GALNTL6: variants seen among roughly 807,000 people sequenced by gnomAD.
The protein encoded by GALNTL6 is polypeptide N-acetylgalactosaminyltransferase like 6.
Under a neutral mutation model 73.7 loss-of-function variants are expected in GALNTL6, and 46 were observed. That is an observed-to-expected ratio of 0.62 (90% CI 0.49 to 0.80). GALNTL6 has a LOEUF of 0.80. Among genes scored for constraint, GALNTL6 ranks in the 30% least tolerant of loss-of-function variants. GALNTL6 has a pLI of 0.00. For synonymous variants in GALNTL6, 259 were observed against 263.7 expected (o/e 0.98, Z 0.17); for missense variants, 604 against 755.0 (o/e 0.80, Z 2.34).
intron 5 of GALNTL6, among the ~76,000 whole-genome samples, chr4:172,562,925 G>A (rs1198140081): frequency 6.6e-6 from 1 of 152,144 alleles, no homozygotes; most frequent in African/African-American, 2.4e-5. Context: ...CTGTTCATGA[G>A]GCTATAGTTA....
At chr4:172,127,941 TA>T in intron 2 of GALNTL6, among the ~76,000 whole-genome samples, 1 of 151,644 alleles carries the variant, frequency 6.6e-6, no homozygotes, top group South Asian at 2.1e-4. Flanking sequence ...CGTCTCTACT[TA>T]AAAAATACAA....
chr4:172,039,569 C>G (rs1388789007), intron 2 of GALNTL6, among the ~76,000 whole-genome samples: 2 of 152,030 alleles, frequency 1.3e-5, no homozygotes, highest in Non-Finnish European at 2.9e-5. Context: ...GGAGAGAAAG[C>G]AGGAATCTAC....
intron 2 of GALNTL6, among the ~76,000 whole-genome samples, chr4:171,990,337 T>A (rs1444560284): frequency 1.3e-5 from 2 of 152,194 alleles, no homozygotes; most frequent in African/African-American, 2.4e-5. Flanking sequence ...TATTAAATAA[T>A]CCTCATTTTA....
intron 5 of GALNTL6, among the ~76,000 whole-genome samples, chr4:172,603,454 C>T (rs973746575): frequency 6.6e-6 from 1 of 152,138 alleles, no homozygotes; most frequent in Non-Finnish European, 1.5e-5. Context: ...AGTAAATAGT[C>T]ATTGTTAAAA....
chr4:172,287,123 C>T (rs992724251), intron 3 of GALNTL6, among the ~76,000 whole-genome samples: 1 of 152,206 alleles, frequency 6.6e-6, no homozygotes, highest in African/African-American at 2.4e-5. Context: ...TCCATCCTAA[C>T]CCAGACCATT....
At chr4:172,917,177 G>A (rs1489019919) in intron 8 of GALNTL6, among the ~76,000 whole-genome samples, 2 of 152,170 alleles carry the variant, frequency 1.3e-5, no homozygotes, top group Admixed American at 1.3e-4. Context: ...AATGGTGCTG[G>A]GAAAACTGGC....
At chr4:172,734,994 T>C (rs565055435) in intron 5 of GALNTL6, among the ~76,000 whole-genome samples, 1 of 152,156 alleles carries the variant, frequency 6.6e-6, no homozygotes, top group Non-Finnish European at 1.5e-5. Context: ...TGCTGCAGGG[T>C]TGTAGCCCTT....
At chr4:172,206,133 G>A (rs1279937720) in intron 2 of GALNTL6, among the ~76,000 whole-genome samples, 1 of 152,030 alleles carries the variant, frequency 6.6e-6, no homozygotes, top group African/African-American at 2.4e-5. Context: ...AATTTCTAGT[G>A]AGAAAACATT....
intron 5 of GALNTL6, among the ~76,000 whole-genome samples, chr4:172,483,274 A>C (rs995228262): frequency 6.6e-6 from 1 of 152,198 alleles, no homozygotes; most frequent in Non-Finnish European, 1.5e-5. Context: ...CACAAGCAAG[A>C]TAATACCTGA....
At chr4:172,585,367 G>T (rs55782630) in intron 5 of GALNTL6, among the ~76,000 whole-genome samples, 21 of 152,024 alleles carry the variant, frequency 1.4e-4, no homozygotes, top group African/African-American at 4.8e-4. Flanking sequence ...TTTATGCCCC[G>T]CATGCATTAG....
At chr4:172,966,611 T>C (rs1579720266) in intron 10 of GALNTL6, among the ~76,000 whole-genome samples, 1 of 152,194 alleles carries the variant, frequency 6.6e-6, no homozygotes, top group South Asian at 2.1e-4. Flanking sequence ...GCCAGACTGA[T>C]CTTGAACTGC....
intron 2 of GALNTL6, among the ~76,000 whole-genome samples, chr4:172,038,710 C>G (rs1219472712): frequency 6.6e-6 from 1 of 152,146 alleles, no homozygotes; most frequent in African/African-American, 2.4e-5. Flanking sequence ...GCAAAGCCTG[C>G]AGTTATGTTG....
Position 172,158,372 on chromosome 4 carries a change from G to A in GALNTL6, c.139-71284G>A, listed in dbSNP as rs528602243. On this transcript the variant is annotated intron_variant, in intron 2 of 12. Coordinates refer to ENST00000506823, the MANE Select transcript of GALNTL6 (RefSeq NM_001034845.3). ...TCCCTTTGTGCTGAACTACTTTCCCGCAGTACATAATTTTCCCCTGGTTAC... is the reference window on the plus strand; with the variant it reads ...TCCCTTTGTGCTGAACTACTTTCCCACAGTACATAATTTTCCCCTGGTTAC... Among the ~76,000 whole-genome samples the A allele has an allele frequency of 3.0e-4, 46 of 151,484 alleles. 1 individual carries two copies. Among genetic ancestry groups the A allele is most frequent in the Non-Finnish European group, 4.9e-4 (33 of 67,928 alleles).
intron 5 of GALNTL6, among the ~76,000 whole-genome samples, chr4:172,787,325 T>C (rs1233557841): frequency 6.6e-6 from 1 of 152,326 alleles, no homozygotes; most frequent in African/African-American, 2.4e-5. Flanking sequence ...AGTGCCAGTT[T>C]CAGATAGATC....
chr4:172,847,684 C>G (rs989596801), intron 7 of GALNTL6, among the ~76,000 whole-genome samples: 10 of 152,146 alleles, frequency 6.6e-5, no homozygotes, highest in African/African-American at 2.4e-4. Flanking sequence ...GCAAATGAGA[C>G]ATTCTCTGCC....
intron 5 of GALNTL6, among the ~76,000 whole-genome samples, chr4:172,474,374 T>A (rs1408380304): frequency 6.6e-6 from 1 of 152,214 alleles, no homozygotes; most frequent in Non-Finnish European, 1.5e-5. Context: ...CTATACAATT[T>A]AATTATTTAT....
chr4:172,377,118 G>A (rs887738088), intron 5 of GALNTL6, among the ~76,000 whole-genome samples: 2 of 152,102 alleles, frequency 1.3e-5, no homozygotes, highest in African/African-American at 4.8e-5. Flanking sequence ...CCCTTATCTG[G>A]CCCCAAACAC....
intron 5 of GALNTL6, among the ~76,000 whole-genome samples, chr4:172,652,475 A>T (rs1402494193): frequency 1.3e-5 from 2 of 152,188 alleles, no homozygotes; most frequent in Non-Finnish European, 2.9e-5. Context: ...GGCCTGACTG[A>T]GTTGTTGAAA....
intron 5 of GALNTL6, among the ~76,000 whole-genome samples, chr4:172,393,381 GCTTCT>G (rs1743736509): frequency 6.6e-6 from 1 of 152,090 alleles, no homozygotes; most frequent in South Asian, 2.1e-4. Flanking sequence ...TAGCTCTCAA[GCTTCT>G]CTGCAGCTCT....
Sources: gnomAD v4.1 joint callset for allele counts (sites outside exome capture counted in the v4.1 genomes callset) on GRCh38, gnomAD v4.1.1 for gene constraint, MANE v1.5 for transcripts, NCBI Gene and HGNC (gene_info 2026-07-23, HGNC 2026-07-21) for gene names.